The following GPHN variants were observed in gnomAD, a reference collection of about 807,000 sequenced individuals.
GPHN encodes the protein gephyrin.
In GPHN, 17 loss-of-function variants were observed where a neutral mutation model predicts 95.5. The ratio of observed to expected loss-of-function variants is 0.18; its 90% confidence interval spans 0.12 to 0.27. The LOEUF is 0.27. Among genes scored for constraint, GPHN ranks in the 10% least tolerant of loss-of-function variants. The pLI is 1.00. For missense variants in GPHN, 660 were observed against 978.1 expected (o/e 0.67, Z 4.34); for synonymous variants, 320 against 322.5 (o/e 0.99, Z 0.08).
the GPHN span, among the ~76,000 whole-genome samples, chr14:67,672,123 AT>A: frequency 0.43 from 61,514 of 143,316 alleles, 15,145 homozygotes; most frequent in Non-Finnish European, 0.59. Context: ...TGCAGTCTAC[AT>A]TTTTTTTTTT....
chr14:66,788,438 T>C (rs2059859307), intron 3 of GPHN, among the ~76,000 whole-genome samples: 1 of 152,246 alleles, frequency 6.6e-6, no homozygotes, highest in African/African-American at 2.4e-5. Context: ...TTTATAATTA[T>C]TAATGATAAC....
intron 5 of GPHN, among the ~76,000 whole-genome samples, chr14:66,905,508 C>T (rs2065335544): frequency 6.6e-6 from 1 of 152,040 alleles, no homozygotes; most frequent in Non-Finnish European, 1.5e-5. Flanking sequence ...CATGTCTTTG[C>T]ATTGGAGGAT....
the GPHN span, among the ~76,000 whole-genome samples, chr14:67,721,141 G>A: frequency 6.6e-6 from 1 of 152,168 alleles, no homozygotes; most frequent in Non-Finnish European, 1.5e-5. Context: ...AGTCTTTCAT[G>A]CATGGGTGTT....
chr14:66,615,502 G>T (rs2062971654), intron 1 of GPHN, among the ~76,000 whole-genome samples: 1 of 148,998 alleles, frequency 6.7e-6, no homozygotes. Context: ...ATGTTTGTTG[G>T]CCATGTAAAT....
At chr14:67,492,273 C>A in the GPHN span, among the ~76,000 whole-genome samples, 1 of 152,302 alleles carries the variant, frequency 6.6e-6, no homozygotes, top group African/African-American at 2.4e-5. Flanking sequence ...AGCTGCTGGG[C>A]TCTCTAATTA....
chr14:66,961,947 T>TATATATATAC lies in GPHN; in HGVS notation c.829-3243_829-3242insTATATATACA, dbSNP rs1555452281. ...ATATATATATATATATATATATATATACACATATCTCCCAGAAATTTACTC... is the reference window on the plus strand; with the variant it reads ...ATATATATATATATATATATATATATATATATATACACACATATCTCCCAGAAATTTACTC... On this transcript the variant is annotated intron_variant, in intron 8 of 22. Coordinates refer to ENST00000478722, the MANE Select transcript of GPHN (RefSeq NM_020806.5). 1.5e-3 allele frequency among the ~76,000 whole-genome samples: 109 copies of TATATATATAC among 75,072 alleles called. 4 individuals carry two copies. Among genetic ancestry groups the TATATATATAC allele is most frequent in the East Asian group, 2.5e-3 (3 of 1,192 alleles). The allele number at this position is 75,072 out of a possible 152,430, so 49.3% of individuals were successfully genotyped here.
chr14:66,689,489 A>G (rs1290188612), intron 2 of GPHN, among the ~76,000 whole-genome samples: 1 of 152,118 alleles, frequency 6.6e-6, no homozygotes, highest in Non-Finnish European at 1.5e-5. Context: ...TTCTATGTTC[A>G]TCAGGGATGT....
At chr14:67,211,918 G>A in the GPHN span, among the ~76,000 whole-genome samples, 10 of 152,140 alleles carry the variant, frequency 6.6e-5, no homozygotes, top group African/African-American at 2.4e-4. Context: ...TCTGTACATT[G>A]TGAAGTCTGT....
chr14:66,880,414 T>A (rs2063875923), intron 5 of GPHN, among the ~76,000 whole-genome samples: 1 of 151,954 alleles, frequency 6.6e-6, no homozygotes, highest in South Asian at 2.1e-4. Context: ...ACTGTCATAT[T>A]ACTACTGGTA....
At chr14:66,703,145 G>A (rs763894199) in intron 2 of GPHN, among the ~76,000 whole-genome samples, 12 of 151,966 alleles carry the variant, frequency 7.9e-5, no homozygotes, top group East Asian at 3.9e-4. Context: ...GGACTTCAGC[G>A]TTTAAAAAGA....
At chr14:66,813,805 C>T (rs996455590) in intron 3 of GPHN, among the ~76,000 whole-genome samples, 2 of 152,182 alleles carry the variant, frequency 1.3e-5, no homozygotes, top group Non-Finnish European at 2.9e-5. Context: ...GACCTGAGCC[C>T]TCCTTGGTCT....
intron 10 of GPHN, among the ~76,000 whole-genome samples, chr14:67,057,703 C>T (rs1232821868): frequency 1.3e-5 from 2 of 151,966 alleles, no homozygotes; most frequent in Non-Finnish European, 2.9e-5. Context: ...CTTTCTCTTT[C>T]TTGTTCTCTT....
intron 11 of GPHN, among the ~76,000 whole-genome samples, chr14:67,086,859 A>G (rs903961997): frequency 6.6e-6 from 1 of 150,840 alleles, no homozygotes; most frequent in African/African-American, 2.4e-5. Flanking sequence ...TAACACGGTG[A>G]AACCCCATCT....
At chr14:67,051,903 A>G (rs113258218) in intron 10 of GPHN, among the ~76,000 whole-genome samples, 9,555 of 152,268 alleles carry the variant, frequency 0.063, 333 homozygotes, top group Middle Eastern at 0.085. Context: ...TTTCAGAAAA[A>G]CAAATACTGA....
rs572045827 is a variant in GPHN, at chr14:66,731,114, T to C, written c.144-45350T>C. ...CCATGATTTTAAGTTTCTTGAGGCC[T>C]CCCCAGCCACATGGACATGTGAGTC... On this transcript the variant is annotated intron_variant, in intron 2 of 22. Coordinates refer to ENST00000478722, the MANE Select transcript of GPHN (RefSeq NM_020806.5). Among the ~76,000 whole-genome samples the C allele has an allele frequency of 4.6e-5, 7 of 152,282 alleles. No homozygotes were observed. The East Asian group carries it at 1.3e-3, about 29-fold the overall frequency.
At chr14:67,338,955 T>C in the GPHN span, among the ~76,000 whole-genome samples, 1 of 151,964 alleles carries the variant, frequency 6.6e-6, no homozygotes, top group African/African-American at 2.4e-5. Context: ...AAATACATAA[T>C]TTTAAGCTAA....
intron 2 of GPHN, among the ~76,000 whole-genome samples, chr14:66,727,825 A>G (rs1260981445): frequency 1.3e-5 from 2 of 152,250 alleles, no homozygotes; most frequent in Admixed American, 6.5e-5. Flanking sequence ...TTTTCTGAGG[A>G]GAAATTCAAG....
chr14:67,397,806 C>T, the GPHN span: 1 of 1,611,752 alleles, frequency 6.2e-7, no homozygotes, highest in African/African-American at 1.3e-5. Flanking sequence ...ATCGCGCCTT[C>T]CAGTTGTGGA....
At chr14:67,223,129 A>C in the GPHN span, among the ~76,000 whole-genome samples, 1 of 151,752 alleles carries the variant, frequency 6.6e-6, no homozygotes, top group Non-Finnish European at 1.5e-5. Flanking sequence ...CCTCCCAAGT[A>C]GCTGGGATTA....
Sources: gnomAD v4.1 joint callset for allele counts (sites outside exome capture counted in the v4.1 genomes callset) on GRCh38, gnomAD v4.1.1 for gene constraint, MANE v1.5 for transcripts, NCBI Gene and HGNC (gene_info 2026-07-23, HGNC 2026-07-21) for gene names.